The following SUPT3H variants were observed in gnomAD, a reference collection of about 807,000 sequenced individuals.
SUPT3H encodes transcription initiation protein SPT3 homolog.
A neutral mutation model predicts 44.3 loss-of-function variants in SUPT3H; 44 were observed. That is an observed-to-expected ratio of 0.99 (90% CI 0.78 to 1.28). The LOEUF (loss-of-function observed/expected upper bound fraction) is 1.28, where lower values mean the gene tolerates loss of function less well. SUPT3H is among the 50% of genes most tolerant of loss of function. The probability of loss-of-function intolerance (pLI) is 0.00; values close to 1 mark genes in which losing one functional copy is unlikely to be tolerated. For missense variants in SUPT3H, 380 were observed against 387.1 expected (o/e 0.98, Z 0.15); for synonymous variants, 124 against 125.6 (o/e 0.99, Z 0.09).
At chr6:44,944,693 T>C (rs1773013075) in intron 9 of SUPT3H, among the ~76,000 whole-genome samples, 1 of 136,190 alleles carries the variant, frequency 7.3e-6, no homozygotes, top group African/African-American at 2.8e-5. Context: ...GCCTGGGAGA[T>C]TCAGGCTGCA....
chr6:45,281,887 A>G (rs189954126), intron 2 of SUPT3H, among the ~76,000 whole-genome samples: 1 of 152,298 alleles, frequency 6.6e-6, no homozygotes, highest in African/African-American at 2.4e-5. Context: ...CTCTGAGACA[A>G]AACTTCCAGA....
Position 45,286,397 on chromosome 6 carries a change from C to A in SUPT3H, c.101+78804G>T, listed in dbSNP as rs375601001. Among the ~76,000 whole-genome samples the A allele has an allele frequency of 2.3e-4, 35 of 152,008 alleles. No individual in the cohort carries two copies. In the East Asian group the frequency reaches 5.8e-3, roughly 25 times the overall value. ...TCTACAATGAACTCAAACAAATTTA[C>A]AAGAAAAAACAACCCCATCAAAAAG... On this transcript the variant is annotated intron_variant, in intron 2 of 10. Transcript: ENST00000371459.
In SUPT3H at chr6:44,828,690, T is replaced by TGAGCAGTATCAAGAAAAAG. The variant is rs1473702382; in HGVS notation, c.*1107_*1125dup. ...CAGTATCAAGAGAGGCTTGCTCTCT[T>TGAGCAGTATCAAGAAAAAG]GAGCAGTATCAAGAAAAAGGAGCAG... On this transcript the variant is annotated 3_prime_UTR_variant, in exon 11 of 11. Transcript: ENST00000371459. 1 of 152,160 alleles carries TGAGCAGTATCAAGAAAAAG rather than the reference T, an allele frequency of 6.6e-6. No homozygotes were observed. The highest frequency in any genetic ancestry group is 2.1e-4 in the South Asian group (1 of 4,828). 9.4% of individuals were successfully genotyped at this position (152,160 alleles called of 1,614,324 possible).
chr6:44,977,090 G>A (rs1014509314), intron 6 of SUPT3H, among the ~76,000 whole-genome samples: 1 of 152,232 alleles, frequency 6.6e-6, no homozygotes, highest in Non-Finnish European at 1.5e-5. Flanking sequence ...TCATAAGCAA[G>A]AAGCTTAAAG....
chr6:45,356,344 A>C (rs1793174567), intron 2 of SUPT3H, among the ~76,000 whole-genome samples: 1 of 152,114 alleles, frequency 6.6e-6, no homozygotes, highest in Non-Finnish European at 1.5e-5. Flanking sequence ...ACACACATAT[A>C]TGTTAATATA....
chr6:45,320,527 C>T (rs1785328335), intron 2 of SUPT3H, among the ~76,000 whole-genome samples: 1 of 152,002 alleles, frequency 6.6e-6, no homozygotes, highest in Non-Finnish European at 1.5e-5. Context: ...GATCCTCCCA[C>T]CTCAGCCTCC....
intron 2 of SUPT3H, among the ~76,000 whole-genome samples, chr6:45,124,773 G>A (rs1263958575): frequency 2.6e-5 from 4 of 152,030 alleles, no homozygotes; most frequent in Non-Finnish European, 1.5e-5. Context: ...CAAAAACAAT[G>A]TATAAAAATC....
chr6:44,864,678 T>C (rs1775204498), intron 10 of SUPT3H, among the ~76,000 whole-genome samples: 1 of 152,200 alleles, frequency 6.6e-6, no homozygotes, highest in African/African-American at 2.4e-5. Flanking sequence ...CAGCCATGGC[T>C]GGAGTGACTG....
intron 10 of SUPT3H, among the ~76,000 whole-genome samples, chr6:44,867,477 C>T (rs1481467378): frequency 2.0e-5 from 3 of 152,158 alleles, no homozygotes; most frequent in Non-Finnish European, 2.9e-5. Flanking sequence ...CTTTAAATTT[C>T]ATCTTCTACT....
intron 10 of SUPT3H, among the ~76,000 whole-genome samples, chr6:44,877,528 G>C (rs926625349): frequency 1.3e-5 from 2 of 151,210 alleles, no homozygotes; most frequent in African/African-American, 4.9e-5. Context: ...TGTCCTTACA[G>C]GTAAGCAGAT....
chr6:45,173,423 C>A (rs537267084), intron 2 of SUPT3H, among the ~76,000 whole-genome samples: 6 of 152,304 alleles, frequency 3.9e-5, no homozygotes, highest in African/African-American at 1.4e-4. Context: ...TAAACATAAT[C>A]TCATTTAATC....
At chr6:45,130,711 ACTTTTTT>A (rs1226258083) in intron 2 of SUPT3H, among the ~76,000 whole-genome samples, 8 of 56,216 alleles carry the variant, frequency 1.4e-4, no homozygotes, top group African/African-American at 7.0e-5. Flanking sequence ...AAAAAAAACC[ACTTTTTT>A]TTTTTTTTTT....
At chr6:45,288,531 A>ATG (rs141680515) in intron 2 of SUPT3H, among the ~76,000 whole-genome samples, 3 of 30,678 alleles carry the variant, frequency 9.8e-5, no homozygotes, top group Admixed American at 3.2e-4. Flanking sequence ...AAGAGATACA[A>ATG]TGTGTGTGTG....
intron 10 of SUPT3H, among the ~76,000 whole-genome samples, chr6:44,889,430 T>C (rs1385599292): frequency 6.6e-6 from 1 of 150,822 alleles, no homozygotes; most frequent in Non-Finnish European, 1.5e-5. Context: ...TATACATCAA[T>C]GGAACAGAGC....
intron 6 of SUPT3H, among the ~76,000 whole-genome samples, chr6:44,972,634 T>C (rs1777754803): frequency 6.6e-6 from 1 of 152,202 alleles, no homozygotes; most frequent in African/African-American, 2.4e-5. Context: ...ACTGCCCTAG[T>C]AGAGGTTTTC....
At chr6:45,224,953 G>A (rs935396808) in intron 2 of SUPT3H, among the ~76,000 whole-genome samples, 1 of 151,830 alleles carries the variant, frequency 6.6e-6, no homozygotes, top group Non-Finnish European at 1.5e-5. Flanking sequence ...ACACATAAAA[G>A]GTCCCATACA....
At chr6:45,301,190 T>G (rs888706450) in intron 2 of SUPT3H, among the ~76,000 whole-genome samples, 2 of 151,736 alleles carry the variant, frequency 1.3e-5, no homozygotes, top group African/African-American at 4.8e-5. Flanking sequence ...AAATAAACCA[T>G]CCAGATAAAA....
At chr6:45,125,378 T>C (rs768626385) in intron 2 of SUPT3H, among the ~76,000 whole-genome samples, 4 of 152,192 alleles carry the variant, frequency 2.6e-5, no homozygotes, top group African/African-American at 4.8e-5. Context: ...ATTTTTTTTC[T>C]ACAATACTTT....
At chr6:45,093,629 A>G (rs1797421181) in intron 3 of SUPT3H, among the ~76,000 whole-genome samples, 2 of 152,130 alleles carry the variant, frequency 1.3e-5, no homozygotes, top group South Asian at 2.1e-4. Context: ...AAAGCACAAA[A>G]AGTAAGAACA....
Sources: gnomAD v4.1 joint callset for allele counts (sites outside exome capture counted in the v4.1 genomes callset) on GRCh38, gnomAD v4.1.1 for gene constraint, MANE v1.5 for transcripts, NCBI Gene and HGNC (gene_info 2026-07-23, HGNC 2026-07-21) for gene names.